MGAM: variants seen among roughly 807,000 people sequenced by gnomAD.
The protein encoded by MGAM is alpha-1,4-glucosidase.
Under a neutral mutation model 358.8 loss-of-function variants are expected in MGAM, and 253 were observed. The observed-to-expected ratio is 0.71, with a 90% confidence interval of 0.64 to 0.78. MGAM has a LOEUF of 0.78. Ranked by LOEUF, MGAM falls within the 30% of genes least tolerant of loss-of-function variation. The pLI is 0.00. For missense variants in MGAM, 3,080 were observed against 3,432.6 expected (o/e 0.90, Z 2.57); for synonymous variants, 1,105 against 1,227.1 (o/e 0.90, Z 2.08).
intron 49 of MGAM, among the ~76,000 whole-genome samples, chr7:142,080,287 A>G (rs991601092): frequency 1.4e-5 from 2 of 146,296 alleles, no homozygotes; most frequent in African/African-American, 4.9e-5. Flanking sequence ...TCATAAAACC[A>G]TAACACTGCC....
In MGAM at chr7:142,078,582, C is replaced by T. The variant is rs1453655307; in HGVS notation, c.5646+112C>T. 19 of 1,181,178 alleles carry T rather than the reference C, an allele frequency of 1.6e-5. No homozygotes were observed. In the South Asian group the frequency reaches 2.9e-4, roughly 18 times the overall value. The allele number at this position is 1,181,178 out of a possible 1,614,324, so 73.2% of individuals were successfully genotyped here. On this transcript the variant is annotated intron_variant, in intron 48 of 70. Transcript: ENST00000475668. ...TACTTAAAATCCATAGAAAGGACTT[C>T]CTAAGGGACATGATCTGGATGTGAC...
chr7:142,040,656 T>C lies in MGAM; in HGVS notation c.2374-66T>C, dbSNP rs546739130. 1.1e-4 allele frequency: 170 copies of C among 1,580,634 alleles called. 3 individuals are homozygous for C. The South Asian group carries it at 1.9e-3, about 17-fold the overall frequency. On this transcript the variant is annotated intron_variant, in intron 20 of 70. Transcript: ENST00000475668. ...GGAGAGAGCTGTGTATCACCAGGCA[T>C]GTAGATAATCAGTGAAGGGCAATAT...
chr7:142,082,775 G>C (rs1174599572), intron 52 of MGAM, among the ~76,000 whole-genome samples: 1 of 145,674 alleles, frequency 6.9e-6, no homozygotes. Flanking sequence ...CTCTTATTTT[G>C]GTAAAAATCA....
rs1381366694 is a variant in MGAM at position 142,044,033 on chromosome 7, C to G, written c.2498+3187C>G. On this transcript the variant is annotated intron_variant, in intron 21 of 70. Coordinates refer to ENST00000475668, the MANE Select transcript of MGAM (RefSeq NM_001365693.1). Reference sequence around the variant, plus strand: ...ATAATATATACATTATATACACATACGACGTATAATATATACATTATATAC... The same window carrying G: ...ATAATATATACATTATATACACATAGGACGTATAATATATACATTATATAC... Among the ~76,000 whole-genome samples, 18 of 132,528 alleles carry G rather than the reference C, an allele frequency of 1.4e-4. 2 individuals are homozygous for G. Among genetic ancestry groups the G allele is most frequent in the East Asian group, 1.3e-3 (6 of 4,518 alleles). The allele number at this position is 132,528 out of a possible 152,430, so 86.9% of individuals were successfully genotyped here. A position where few individuals can be genotyped will look rare whatever the true frequency, so the allele number is the denominator to read the frequency against.
intron 3 of MGAM, among the ~76,000 whole-genome samples, chr7:142,009,565 A>G (rs782561257): frequency 9.2e-5 from 14 of 152,194 alleles, no homozygotes; most frequent in Non-Finnish European, 1.3e-4. Flanking sequence ...CACTTCAGAT[A>G]CAGCCATAGT....
At chr7:142,034,919 G>A (rs977629684) in intron 16 of MGAM, 78 bp downstream of exon 16, 4 of 1,408,024 alleles carry the variant, frequency 2.8e-6, no homozygotes, top group South Asian at 1.3e-5. Context: ...AAACCACAAA[G>A]CTCCCCTCTC....
At chr7:142,045,153 G>A (rs372495412) in intron 21 of MGAM, among the ~76,000 whole-genome samples, 2,270 of 57,822 alleles carry the variant, frequency 0.039, 51 homozygotes, top group Middle Eastern at 0.1. Flanking sequence ...TATCATATAT[G>A]TGATATATAA....
chr7:142,002,358 G>A (rs1804798595), intron 1 of MGAM, among the ~76,000 whole-genome samples: 1 of 152,014 alleles, frequency 6.6e-6, no homozygotes, highest in Non-Finnish European at 1.5e-5. Flanking sequence ...ACAGCATGTG[G>A]AAAAGATAAT....
chr7:142,095,555 T>C lies in MGAM; in HGVS notation c.7459-10T>C. ...GGCAAGCTCCCAACACTGTTCTCTT[T>C]CTCCTTTAGAGACAAGACCCTGTGT... On this transcript the variant is annotated splice_polypyrimidine_tract_variant and intron_variant, in intron 63 of 70. Coordinates refer to ENST00000475668, the MANE Select transcript of MGAM (RefSeq NM_001365693.1). 1 of 1,612,798 alleles carries C rather than the reference T, an allele frequency of 6.2e-7. No individual in the cohort carries two copies. Among genetic ancestry groups the C allele is most frequent in the Non-Finnish European group, 8.5e-7 (1 of 1,179,712 alleles).
In MGAM at chr7:142,005,561, A is replaced by G. The variant is rs1554452058; in HGVS notation, c.31A>G (p.Thr11Ala). Residue 11 changes from threonine to alanine, a missense_variant, in exon 2 of 71, where the codon ACT (threonine) becomes GCT (alanine). Coordinates refer to ENST00000475668, the MANE Select transcript of MGAM (RefSeq NM_001365693.1). The part of the protein sequence containing the change: MARKKLKKFT[T>A]LEIVLSVLLL... ...AAGAAAGAAGCTGAAAAAATTTACT[A>G]CTTTGGAGATTGTGCTCAGTGTTCT... 2 of 1,573,072 alleles carry G rather than the reference A, an allele frequency of 1.3e-6. No homozygotes were observed. The highest frequency in any genetic ancestry group is 1.7e-6 in the Non-Finnish European group (2 of 1,161,186).
At chr7:142,063,621 A>T in intron 36 of MGAM, 35 bp downstream of exon 36, 1 of 1,604,188 alleles carries the variant, frequency 6.2e-7, no homozygotes, top group Non-Finnish European at 8.5e-7. Context: ...TGGCAGAGCC[A>T]TGACTGGAAG....
chr7:142,079,087 C>G, intron 49 of MGAM, 79 bp downstream of exon 49: 1 of 1,244,030 alleles, frequency 8.0e-7, no homozygotes, highest in Non-Finnish European at 1.1e-6. Context: ...GTCACACAAC[C>G]CTAAAATAAG....
intron 46 of MGAM, 110 bp from the exon 47 acceptor site, chr7:142,076,549 C>T (rs1813755256): frequency 2.9e-6 from 3 of 1,022,782 alleles, no homozygotes; most frequent in Non-Finnish European, 4.4e-6. Context: ...AGCAGAGAGG[C>T]ATTCATGGCA....
chr7:142,064,286 G>A, intron 36 of MGAM, 98 bp from the exon 37 acceptor site: 1 of 1,515,182 alleles, frequency 6.6e-7, no homozygotes, highest in Non-Finnish European at 8.9e-7. Context: ...AGGCAGGACT[G>A]AAGTTAGTCT....
At chr7:142,050,965 C>G in intron 24 of MGAM, 101 bp downstream of exon 24, 1 of 1,486,804 alleles carries the variant, frequency 6.7e-7, no homozygotes, top group Non-Finnish European at 9.3e-7. Flanking sequence ...GACCAGGGCA[C>G]CTTTGAGGCC....
chr7:142,022,150 TG>T, intron 6 of MGAM, 117 bp from the exon 7 acceptor site: 1 of 943,562 alleles, frequency 1.1e-6, no homozygotes, highest in Non-Finnish European at 1.6e-6. Flanking sequence ...GGAGGGCAAA[TG>T]GGACTGAATG....
At chr7:142,042,950 T>C (rs1355485736) in intron 21 of MGAM, among the ~76,000 whole-genome samples, 1 of 63,484 alleles carries the variant, frequency 1.6e-5, no homozygotes, top group Non-Finnish European at 2.7e-5. Flanking sequence ...ATATATATTA[T>C]ATATACATAT....
intron 4 of MGAM, 108 bp downstream of exon 4, chr7:142,019,427 C>T: frequency 8.2e-7 from 1 of 1,214,942 alleles, no homozygotes; most frequent in South Asian, 1.6e-5. Context: ...CATATAACCA[C>T]ATGTGACAGA....
chr7:142,086,369 G>A, intron 56 of MGAM, 41 bp downstream of exon 56: 1 of 1,440,714 alleles, frequency 6.9e-7, no homozygotes, highest in Non-Finnish European at 9.5e-7. Context: ...CTAGCCTGAG[G>A]GTGGGTCACT....
Sources: gnomAD v4.1 joint callset for allele counts (sites outside exome capture counted in the v4.1 genomes callset) on GRCh38, gnomAD v4.1.1 for gene constraint, MANE v1.5 for transcripts, NCBI Gene and HGNC (gene_info 2026-07-23, HGNC 2026-07-21) for gene names.